The following CDK14 variants were observed in gnomAD, a reference collection of about 807,000 sequenced individuals.
The protein encoded by CDK14 is cyclin-dependent kinase 14.
Under a neutral mutation model 60.7 loss-of-function variants are expected in CDK14, and 34 were observed. The observed-to-expected ratio is 0.56, with a 90% confidence interval of 0.43 to 0.75. The LOEUF (loss-of-function observed/expected upper bound fraction) is 0.75. Among genes scored for constraint, CDK14 ranks in the 30% least tolerant of loss-of-function variants. The probability of loss-of-function intolerance (pLI) is 0.00; values close to 1 mark genes in which losing one functional copy is unlikely to be tolerated. For missense variants in CDK14, 482 were observed against 564.1 expected, an observed-to-expected ratio of 0.85 and a Z score of 1.47; for synonymous variants, 197 against 203.7, an observed-to-expected ratio of 0.97 and a Z score of 0.28.
At chr7:90,680,362 T>C (rs1801289261) in intron 2 of CDK14, among the ~76,000 whole-genome samples, 1 of 152,216 alleles carries the variant, frequency 6.6e-6, no homozygotes, top group East Asian at 1.9e-4. Flanking sequence ...TTTAATGTTA[T>C]ATTGGGTCTT....
At chr7:90,868,302 TACAC>T (rs758911261) in intron 6 of CDK14, among the ~76,000 whole-genome samples, 9 of 149,278 alleles carry the variant, frequency 6.0e-5, no homozygotes, top group African/African-American at 2.0e-4. Flanking sequence ...TATATATATA[TACAC>T]ACACACACAC....
rs547592688 is a variant in CDK14, at chr7:90,864,009, A to G, written c.639+740A>G. ...TAAGAACATGTAATTTATAAGACAC[A>G]AATGACATCGGTGCAGACATTTATT... On this transcript the variant is annotated intron_variant, in intron 6 of 14. Coordinates refer to ENST00000380050, the MANE Select transcript of CDK14 (RefSeq NM_001287135.2). 1.2e-4 allele frequency among the ~76,000 whole-genome samples: 19 copies of G among 152,238 alleles called. No individual in the cohort carries two copies. In the South Asian group the frequency reaches 3.9e-3, roughly 32 times the overall value.
intron 11 of CDK14, among the ~76,000 whole-genome samples, chr7:91,051,391 A>C (rs1421489629): frequency 6.6e-6 from 1 of 152,250 alleles, no homozygotes; most frequent in African/African-American, 2.4e-5. Flanking sequence ...TCTTAAAAGA[A>C]ATGGAAAATG....
At chr7:91,185,984 A>G (rs1350792261) in intron 14 of CDK14, among the ~76,000 whole-genome samples, 1 of 152,106 alleles carries the variant, frequency 6.6e-6, no homozygotes, top group East Asian at 1.9e-4. Flanking sequence ...GACACTTCAT[A>G]TAAATGGAAT....
chr7:90,888,226 T>G (rs1175939597), intron 6 of CDK14, among the ~76,000 whole-genome samples: 1 of 152,018 alleles, frequency 6.6e-6, no homozygotes, highest in Non-Finnish European at 1.5e-5. Context: ...GGCTTGTGCC[T>G]GTAGTGCCAG....
At chr7:90,897,481 C>T (rs200595985) in intron 6 of CDK14, among the ~76,000 whole-genome samples, 11,178 of 151,968 alleles carry the variant, frequency 0.074, 499 homozygotes, top group East Asian at 0.19. Flanking sequence ...TTCTTGCCCT[C>T]CTGGATCTTA....
At chr7:91,014,347 T>G (rs1796244480) in intron 10 of CDK14, among the ~76,000 whole-genome samples, 2 of 152,130 alleles carry the variant, frequency 1.3e-5, no homozygotes, top group Non-Finnish European at 2.9e-5. Context: ...CAACATTTTA[T>G]TATAGACAAG....
chr7:91,003,499 G>C (rs1447847707), intron 10 of CDK14, among the ~76,000 whole-genome samples: 1 of 152,204 alleles, frequency 6.6e-6, no homozygotes, highest in East Asian at 1.9e-4. Context: ...TTTCTCATGT[G>C]TAATGCAAGC....
intron 2 of CDK14, among the ~76,000 whole-genome samples, chr7:90,624,694 C>T (rs1336781838): frequency 6.6e-6 from 1 of 152,216 alleles, no homozygotes; most frequent in Non-Finnish European, 1.5e-5. Context: ...AAGGATTTAG[C>T]ATTAGATATG....
intron 5 of CDK14, among the ~76,000 whole-genome samples, chr7:90,809,143 T>C (rs1788986277): frequency 6.6e-6 from 1 of 152,092 alleles, no homozygotes; most frequent in Non-Finnish European, 1.5e-5. Context: ...TACAGAACTC[T>C]CCACCCCAAA....
At chr7:91,071,996 CA>C (rs1210477198) in intron 11 of CDK14, among the ~76,000 whole-genome samples, 1 of 152,224 alleles carries the variant, frequency 6.6e-6, no homozygotes, top group Non-Finnish European at 1.5e-5. Flanking sequence ...GGCAGGGGCT[CA>C]GGGGCAGAAC....
rs563049690 is a variant in CDK14 at position 90,970,213 on chromosome 7, G to A, written c.948-13935G>A. On this transcript the variant is annotated intron_variant, in intron 9 of 14. Coordinates refer to ENST00000380050, the MANE Select transcript of CDK14 (RefSeq NM_001287135.2). ...ACTCCTGACCTCAGGTGATCCACCC[G>A]CCTCTGCTTCCCAAAGTGCCGGGAT... Among the ~76,000 whole-genome samples the A allele has an allele frequency of 1.4e-4, 22 of 152,140 alleles. No homozygotes were observed. In the East Asian group the frequency reaches 3.7e-3, roughly 25 times the overall value.
At chr7:91,185,740 T>C (rs904696649) in intron 14 of CDK14, among the ~76,000 whole-genome samples, 3 of 151,862 alleles carry the variant, frequency 2.0e-5, no homozygotes, top group Non-Finnish European at 2.9e-5. Context: ...AATATTTAAA[T>C]AAATTAAAAT....
Position 91,112,551 on chromosome 7 carries a change from T to C in CDK14, c.1164T>C (p.Tyr388=), listed in dbSNP as rs763585134. ...TTGCTCATGTTTTTAGGCTCAGCTA[T>C]GTGAACCATGCAGAGGACCTGGCCT... The part of the protein sequence containing the change: ...NLRQAWNKLS[Y]VNHAEDLASK... Residue 388 remains tyrosine (Y), a synonymous_variant, in exon 13 of 15, where the codon TAT becomes TAC. Transcript: ENST00000380050. 2.5e-6 allele frequency: 4 copies of C among 1,613,418 alleles called. No homozygotes were observed. In the African/African-American group the frequency reaches 5.3e-5, roughly 22 times the overall value.
chr7:91,090,400 A>G (rs1248282936), intron 12 of CDK14, among the ~76,000 whole-genome samples: 1 of 152,202 alleles, frequency 6.6e-6, no homozygotes, highest in African/African-American at 2.4e-5. Flanking sequence ...TATGGTAACC[A>G]CTAGCCACGT....
intron 10 of CDK14, among the ~76,000 whole-genome samples, chr7:91,026,264 A>G (rs532867476): frequency 2.6e-5 from 4 of 152,338 alleles, no homozygotes; most frequent in Non-Finnish European, 5.9e-5. Context: ...TTGAGAGATC[A>G]GAGGAAGAGC....
intron 8 of CDK14, among the ~76,000 whole-genome samples, chr7:90,952,857 T>C (rs1794302478): frequency 6.6e-6 from 1 of 152,196 alleles, no homozygotes. Flanking sequence ...AACTGAAGAA[T>C]GCAGTTTAAT....
At chr7:91,198,758 G>T (rs573480977) in intron 14 of CDK14, among the ~76,000 whole-genome samples, 45 of 152,282 alleles carry the variant, frequency 3.0e-4, no homozygotes, top group Non-Finnish European at 5.3e-4. Context: ...GTTCAAAGTC[G>T]TAGGTGACTG....
chr7:90,650,888 T>C (rs17865025), intron 2 of CDK14, among the ~76,000 whole-genome samples: 12,266 of 152,156 alleles, frequency 0.081, 641 homozygotes, highest in East Asian at 0.19. Flanking sequence ...AGTCAGGTAT[T>C]GTGATGCCTC....
Sources: allele counts gnomAD v4.1 joint callset (sites outside exome capture counted in the v4.1 genomes callset), GRCh38; gene constraint gnomAD v4.1.1; transcripts MANE v1.5; gene names NCBI Gene and HGNC (gene_info 2026-07-23, HGNC 2026-07-21).